TENM2: variants seen among roughly 807,000 people sequenced by gnomAD.
TENM2 encodes the protein teneurin-2.
A neutral mutation model predicts 245.2 loss-of-function variants in TENM2; 52 were observed. That is an observed-to-expected ratio of 0.21 (90% CI 0.17 to 0.27). The LOEUF is 0.27. Ranked by LOEUF, TENM2 falls within the 10% of genes least tolerant of loss-of-function variation. TENM2 has a pLI of 1.00. For synonymous variants in TENM2, 1,363 were observed against 1,438.9 expected (o/e 0.95, Z 1.19); for missense variants, 3,046 against 3,666.8 (o/e 0.83, Z 4.37).
chr5:168,231,151 A>C (rs1397744255), intron 25 of TENM2: 1 of 152,254 alleles, frequency 6.6e-6, no homozygotes. Flanking sequence ...TGGTGAGAAC[A>C]CTATCAGGGA....
intron 2 of TENM2, among the ~76,000 whole-genome samples, chr5:167,848,183 G>T (rs1282968822): frequency 6.6e-6 from 1 of 152,158 alleles, no homozygotes; most frequent in Non-Finnish European, 1.5e-5. Flanking sequence ...TAGGTCATGA[G>T]AGCTGAGTGG....
the TENM2 span, among the ~76,000 whole-genome samples, chr5:167,226,996 A>G: frequency 1.1e-4 from 16 of 151,892 alleles, no homozygotes; most frequent in Non-Finnish European, 7.4e-5. Context: ...TTTATAACTT[A>G]AAGTCTGTTT....
intron 2 of TENM2, among the ~76,000 whole-genome samples, chr5:167,859,781 TG>T (rs1322965753): frequency 1.9e-5 from 1 of 52,644 alleles, no homozygotes; most frequent in African/African-American, 1.0e-4. Flanking sequence ...GGGAGGGAGG[TG>T]GGGGGGTCAG....
intron 2 of TENM2, among the ~76,000 whole-genome samples, chr5:167,636,621 A>G (rs1779224842): frequency 6.6e-6 from 1 of 152,168 alleles, no homozygotes; most frequent in African/African-American, 2.4e-5. Context: ...TCATCCATTC[A>G]TTTACTTAAC....
the TENM2 span, among the ~76,000 whole-genome samples, chr5:167,144,574 A>C: frequency 6.6e-6 from 1 of 151,934 alleles, no homozygotes; most frequent in South Asian, 2.1e-4. Flanking sequence ...AACACTTGAC[A>C]CTCCCAAGAG....
intron 25 of TENM2, among the ~76,000 whole-genome samples, chr5:168,230,652 G>T (rs1386275783): frequency 6.6e-6 from 1 of 152,032 alleles, no homozygotes; most frequent in African/African-American, 2.4e-5. Context: ...TCTTAGTCTT[G>T]CTGTGTCTTT....
At chr5:167,846,844 G>GAA (rs1227717945) in intron 2 of TENM2, among the ~76,000 whole-genome samples, 1 of 152,172 alleles carries the variant, frequency 6.6e-6, no homozygotes, top group African/African-American at 2.4e-5. Context: ...TGTGTGAATT[G>GAA]AAACTGCAGA....
At chr5:167,416,228 G>A (rs1388078039) in intron 2 of TENM2, among the ~76,000 whole-genome samples, 1 of 152,132 alleles carries the variant, frequency 6.6e-6, no homozygotes, top group Non-Finnish European at 1.5e-5. Context: ...TTGTAACAGT[G>A]CCAATTCCTT....
At chr5:167,139,133 G>A in the TENM2 span, among the ~76,000 whole-genome samples, 13 of 152,190 alleles carry the variant, frequency 8.5e-5, no homozygotes, top group Non-Finnish European at 1.9e-4. Flanking sequence ...CATCATTGAA[G>A]TAATATCAGG....
intron 2 of TENM2, among the ~76,000 whole-genome samples, chr5:167,511,348 T>C (rs1769940480): frequency 6.6e-6 from 1 of 151,218 alleles, no homozygotes; most frequent in Admixed American, 6.6e-5. Context: ...TAGGAAGGAG[T>C]AGAGATCAGC....
intron 23 of TENM2, among the ~76,000 whole-genome samples, chr5:168,223,822 C>T (rs761213083): frequency 2.6e-4 from 40 of 152,048 alleles, no homozygotes; most frequent in African/African-American, 5.3e-4. Context: ...AATGAAGATT[C>T]GTCAAAATTC....
chr5:167,196,548 G>GTA, the TENM2 span, among the ~76,000 whole-genome samples: 254 of 146,236 alleles, frequency 1.7e-3, no homozygotes, highest in African/African-American at 6.0e-3. Flanking sequence ...ATATATGTGT[G>GTA]TATATATATA....
chr5:167,853,303 AAAAAAAAAAG>A (rs1466553448), intron 2 of TENM2, among the ~76,000 whole-genome samples: 17 of 141,298 alleles, frequency 1.2e-4, no homozygotes, highest in Non-Finnish European at 2.3e-4. Context: ...AAAAAAAAAA[AAAAAAAAAAG>A]AAAGTGATCG....
At chr5:168,047,455 A>G in exon 6 of TENM2, 1 of 1,551,546 alleles carries the variant, frequency 6.4e-7, no homozygotes. Context: ...TCAATTGGCA[A>G]CTCCAGCCTG....
chr5:167,184,658 A>T, the TENM2 span, among the ~76,000 whole-genome samples: 1 of 152,078 alleles, frequency 6.6e-6, no homozygotes, highest in African/African-American at 2.4e-5. Context: ...GAGCATTCCT[A>T]TGCTGACCTA....
chr5:167,256,800 T>A, the TENM2 span, among the ~76,000 whole-genome samples: 1 of 151,948 alleles, frequency 6.6e-6, no homozygotes, highest in African/African-American at 2.4e-5. Flanking sequence ...TTAGAAAAAA[T>A]ACAAACTAAT....
chr5:167,243,223 T>C, the TENM2 span, among the ~76,000 whole-genome samples: 2 of 152,070 alleles, frequency 1.3e-5, no homozygotes, highest in African/African-American at 2.4e-5. Flanking sequence ...TGAAGAAAGG[T>C]AGTTAAATTT....
At chr5:167,038,963 G>A in the TENM2 span, among the ~76,000 whole-genome samples, 3 of 152,174 alleles carry the variant, frequency 2.0e-5, no homozygotes, top group African/African-American at 7.2e-5. Context: ...GGATGATGAA[G>A]CATCTGAGAT....
chr5:167,721,106 G>A (rs1327743405), intron 2 of TENM2, among the ~76,000 whole-genome samples: 2 of 152,086 alleles, frequency 1.3e-5, no homozygotes, highest in African/African-American at 4.8e-5. Context: ...ACAATATTAA[G>A]GGATTTAACA....
Sources: gnomAD v4.1 joint callset for allele counts (sites outside exome capture counted in the v4.1 genomes callset) on GRCh38, gnomAD v4.1.1 for gene constraint, MANE v1.5 for transcripts, NCBI Gene and HGNC (gene_info 2026-07-23, HGNC 2026-07-21) for gene names.